The following RUNX1 variants were observed in gnomAD, a reference collection of about 807,000 sequenced individuals.
The protein encoded by RUNX1 is runt-related transcription factor 1.
In RUNX1, 19 loss-of-function variants were observed where a neutral mutation model predicts 42.8. The observed-to-expected ratio is 0.44, with a 90% CI of 0.31 to 0.65. The LOEUF (loss-of-function observed/expected upper bound fraction) is 0.65, where lower values mean the gene tolerates loss of function less well. Ranked by LOEUF, RUNX1 falls within the 30% of genes least tolerant of loss-of-function variation. The pLI is 0.07. For missense variants in RUNX1, 528 were observed against 672.0 expected (o/e 0.79, Z 2.37); for synonymous variants, 271 against 289.4 (o/e 0.94, Z 0.64).
intron 2 of RUNX1, among the ~76,000 whole-genome samples, chr21:34,970,340 C>T (rs1321626708): frequency 2.0e-5 from 3 of 152,158 alleles, no homozygotes; most frequent in East Asian, 3.8e-4. Context: ...TTAAGGGTGG[C>T]GAAATCAGGT....
chr21:34,845,946 A>G (rs1425753373), intron 6 of RUNX1, among the ~76,000 whole-genome samples: 1 of 152,168 alleles, frequency 6.6e-6, no homozygotes, highest in Non-Finnish European at 1.5e-5. Flanking sequence ...GTGGTCAACC[A>G]AAGCTGTTTG....
intron 7 of RUNX1, among the ~76,000 whole-genome samples, chr21:34,800,738 G>A (rs2056596413): frequency 6.6e-6 from 1 of 152,088 alleles, no homozygotes; most frequent in Non-Finnish European, 1.5e-5. Context: ...TTCCTCCCCA[G>A]TATTCTCCTG....
At chr21:34,812,755 G>A (rs1465792404) in intron 7 of RUNX1, among the ~76,000 whole-genome samples, 1 of 152,126 alleles carries the variant, frequency 6.6e-6, no homozygotes, top group Non-Finnish European at 1.5e-5. Flanking sequence ...GCCCAGCAGT[G>A]GGAAACCTCC....
intron 6 of RUNX1, among the ~76,000 whole-genome samples, chr21:34,847,746 C>T (rs2057337844): frequency 6.6e-6 from 1 of 152,128 alleles, no homozygotes; most frequent in Admixed American, 6.5e-5. Flanking sequence ...AAAAGATCAC[C>T]TCTCCCTCAA....
Position 35,048,871 on chromosome 21 carries a change from A to T in RUNX1, c.29T>A (p.Phe10Tyr). Reference sequence around the variant, plus strand: ...CATGAAGCACTGTGGGTACGAAGGAAATGACTCAAATATGCTGTCTGAAGC... The same window carrying T: ...CATGAAGCACTGTGGGTACGAAGGATATGACTCAAATATGCTGTCTGAAGC... Reference protein sequence around the residue: MASDSIFESFPSYPQCFMRE... With the variant: MASDSIFESYPSYPQCFMRE... Residue 10 changes from phenylalanine (F) to tyrosine (Y), a missense_variant, in exon 2 of 9, where the codon TTT (phenylalanine) becomes TAT (tyrosine). Physicochemically the swap from Phe to Tyr is conservative, Grantham distance 22. This residue lies in a region of RUNX1 where 114 missense variants were observed against 115.0 expected (regional missense o/e 0.99). Coordinates refer to ENST00000675419, the MANE Select transcript of RUNX1 (RefSeq NM_001754.5). The T allele has an allele frequency of 6.2e-7, 1 of 1,614,018 alleles. No individual in the cohort carries two copies. The highest frequency in any genetic ancestry group is 8.5e-7 in the Non-Finnish European group (1 of 1,179,932).
chr21:34,888,643 G>A (rs997866427), intron 3 of RUNX1: 2 of 1,052,084 alleles, frequency 1.9e-6, no homozygotes, highest in Admixed American at 5.5e-5. Context: ...TGCCCTGGCT[G>A]GGTCCGGCCG....
chr21:34,946,958 TCTC>T (rs990559888), intron 2 of RUNX1, among the ~76,000 whole-genome samples: 2 of 152,166 alleles, frequency 1.3e-5, no homozygotes, highest in African/African-American at 4.8e-5. Context: ...ATGAGCTACT[TCTC>T]CTCACCTTAG....
intron 2 of RUNX1, among the ~76,000 whole-genome samples, chr21:34,992,257 T>A (rs372710673): frequency 2.0e-5 from 3 of 152,056 alleles, no homozygotes; most frequent in African/African-American, 7.2e-5. Flanking sequence ...GTGGATGTAG[T>A]GGGGGACTCC....
intron 2 of RUNX1, among the ~76,000 whole-genome samples, chr21:35,002,126 T>C (rs568700444): frequency 6.6e-6 from 1 of 152,012 alleles, no homozygotes; most frequent in South Asian, 2.1e-4. Context: ...TTATTATTAT[T>C]ACTATTTTTA....
At chr21:34,928,370 T>A (rs996211271) in intron 2 of RUNX1, among the ~76,000 whole-genome samples, 2 of 152,160 alleles carry the variant, frequency 1.3e-5, no homozygotes, top group Non-Finnish European at 2.9e-5. Flanking sequence ...TTGCCATAGA[T>A]TCTTTATCTT....
chr21:35,007,970 G>A (rs1375637432), intron 2 of RUNX1, among the ~76,000 whole-genome samples: 2 of 152,024 alleles, frequency 1.3e-5, no homozygotes, highest in African/African-American at 4.8e-5. Context: ...TTTATTCCCT[G>A]TTATTTCCAT....
chr21:34,860,348 T>A (rs757348559), intron 5 of RUNX1, among the ~76,000 whole-genome samples: 1 of 152,256 alleles, frequency 6.6e-6, no homozygotes, highest in Non-Finnish European at 1.5e-5. Flanking sequence ...AAGATAAATC[T>A]GGCTAGCTGA....
intron 8 of RUNX1, among the ~76,000 whole-genome samples, chr21:34,798,414 G>A (rs1368183209): frequency 2.0e-5 from 3 of 152,166 alleles, no homozygotes; most frequent in Non-Finnish European, 2.9e-5. Flanking sequence ...GGGCTCATAG[G>A]TTAAATGACT....
At chr21:34,991,128 G>C (rs1323848511) in intron 2 of RUNX1, among the ~76,000 whole-genome samples, 1 of 152,184 alleles carries the variant, frequency 6.6e-6, no homozygotes, top group Non-Finnish European at 1.5e-5. Flanking sequence ...CTGCTGCGCT[G>C]GCGAAGACCG....
chr21:34,995,435 CTTTTTT>C (rs5843694), intron 2 of RUNX1, among the ~76,000 whole-genome samples: 9 of 82,074 alleles, frequency 1.1e-4, no homozygotes, highest in African/African-American at 2.9e-4. Flanking sequence ...TTTCTGGGAG[CTTTTTT>C]TTTTTTTTTT....
rs2056400386 is a variant in RUNX1, at chr21:34,788,772, A to G, written c.*3363T>C. On this transcript the variant is annotated 3_prime_UTR_variant, in exon 9 of 9. Transcript: ENST00000675419. ...CAAATGTATACGCTACGGTAAACAA[A>G]AAGGCATTTTGTTCAGATGTAAAAT... is the stretch of plus-strand genomic sequence containing the variant. The G allele has an allele frequency of 4.3e-6, 1 of 233,526 alleles. No individual in the cohort carries two copies. Among genetic ancestry groups the G allele is most frequent in the South Asian group, 1.8e-4 (1 of 5,538 alleles). 14.5% of individuals were successfully genotyped at this position (233,526 alleles called of 1,614,324 possible).
chr21:35,040,995 T>C (rs2059355009), intron 2 of RUNX1, among the ~76,000 whole-genome samples: 1 of 152,142 alleles, frequency 6.6e-6, no homozygotes, highest in Non-Finnish European at 1.5e-5. Flanking sequence ...CAGAAGCACA[T>C]GAGAGCTGAT....
chr21:34,961,362 A>G (rs1231208749), intron 2 of RUNX1, among the ~76,000 whole-genome samples: 1 of 151,762 alleles, frequency 6.6e-6, no homozygotes, highest in Non-Finnish European at 1.5e-5. Flanking sequence ...TCTCAAAATA[A>G]TAATAATAAT....
At chr21:34,893,203 ATCTGT>A (rs1425934284) in intron 2 of RUNX1, among the ~76,000 whole-genome samples, 2 of 152,194 alleles carry the variant, frequency 1.3e-5, no homozygotes, top group Non-Finnish European at 2.9e-5. Flanking sequence ...AATACTGAAT[ATCTGT>A]CATAGAATCA....
Sources: gnomAD v4.1 joint callset for allele counts (sites outside exome capture counted in the v4.1 genomes callset) on GRCh38, gnomAD v4.1.1 for gene constraint, gnomAD v4.1.1 regional missense constraint, MANE v1.5 for transcripts, NCBI Gene and HGNC (gene_info 2026-07-23, HGNC 2026-07-21) for gene names.